Variants in ARID4A observed in about 807,000 individuals in gnomAD.
The protein encoded by ARID4A is AT-rich interactive domain-containing protein 4A.
Under a neutral mutation model 148.6 loss-of-function variants are expected in ARID4A, and 39 were observed. That is an observed-to-expected ratio of 0.26 (90% CI 0.20 to 0.34). ARID4A has a LOEUF of 0.34. Ranked by LOEUF, ARID4A falls within the 10% of genes least tolerant of loss-of-function variation. ARID4A has a pLI of 1.00. For missense variants in ARID4A, 1,265 were observed against 1,449.1 expected, an observed-to-expected ratio of 0.87 and a Z score of 2.06; for synonymous variants, 475 against 481.2, an observed-to-expected ratio of 0.99 and a Z score of 0.17.
intron 8 of ARID4A, among the ~76,000 whole-genome samples, chr14:58,325,372 C>T (rs1036153714): frequency 1.3e-5 from 2 of 152,104 alleles, no homozygotes; most frequent in Non-Finnish European, 2.9e-5. Context: ...GCCTTAACCT[C>T]CCTGGGCTTA....
intron 8 of ARID4A, among the ~76,000 whole-genome samples, chr14:58,327,995 C>T (rs1443606044): frequency 6.6e-6 from 1 of 152,110 alleles, no homozygotes; most frequent in Admixed American, 6.6e-5. Flanking sequence ...TAATTATTCA[C>T]TTTATAATCT....
intron 12 of ARID4A, among the ~76,000 whole-genome samples, chr14:58,346,071 G>C (rs1485874474): frequency 6.6e-6 from 1 of 151,612 alleles, no homozygotes; most frequent in Non-Finnish European, 1.5e-5. Flanking sequence ...AACATTGTTG[G>C]CCACACCATG....
intron 11 of ARID4A, among the ~76,000 whole-genome samples, chr14:58,335,602 C>T (rs772662508): frequency 5.3e-5 from 8 of 152,184 alleles, no homozygotes; most frequent in East Asian, 3.9e-4. Flanking sequence ...CATGAGCCAC[C>T]GTGCCCGGCC....
At chr14:58,339,927 T>G (rs2034027910) in intron 11 of ARID4A, among the ~76,000 whole-genome samples, 1 of 151,544 alleles carries the variant, frequency 6.6e-6, no homozygotes. Flanking sequence ...CCAGATCTCA[T>G]GAGACCTCAC....
chr14:58,347,844 G>C lies in ARID4A; in HGVS notation c.1370G>C (p.Ser457Thr), dbSNP rs1276080338. ...GAAAATATCGATTCAAACAGTGAAA[G>C]TGAAAGAGAAGAGATAGAATTAAAA... is the stretch of plus-strand genomic sequence containing the variant. The part of the protein sequence containing the change: ...PEENIDSNSE[S>T]EREEIELKSP... The change falls in exon 15 of 24, where the codon AGT becomes ACT. Residue 457 changes from serine (S) to threonine (T), a missense_variant. Physicochemically the swap from Ser to Thr is moderately conservative, Grantham distance 58. Coordinates refer to ENST00000355431, the MANE Select transcript of ARID4A (RefSeq NM_002892.4). The C allele has an allele frequency of 6.2e-7, 1 of 1,612,972 alleles. No homozygotes were observed. Among genetic ancestry groups the C allele is most frequent in the Admixed American group, 1.7e-5 (1 of 59,990 alleles).
intron 11 of ARID4A, among the ~76,000 whole-genome samples, chr14:58,339,431 C>T (rs141088951): frequency 2.0e-5 from 3 of 151,994 alleles, no homozygotes; most frequent in South Asian, 4.2e-4. Context: ...TTTGTGGCTC[C>T]GATATGTTAT....
chr14:58,346,194 T>TTA (rs1487591473), intron 12 of ARID4A, among the ~76,000 whole-genome samples: 1 of 148,906 alleles, frequency 6.7e-6, no homozygotes. Flanking sequence ...GAGAGAATTA[T>TTA]TATATATATT....
At chr14:58,304,328 T>A (rs1268383338) in intron 3 of ARID4A, among the ~76,000 whole-genome samples, 1 of 151,576 alleles carries the variant, frequency 6.6e-6, no homozygotes, top group Non-Finnish European at 1.5e-5. Flanking sequence ...TACTTAAAAT[T>A]AATACAATGA....
chr14:58,325,256 A>C (rs551271605), intron 8 of ARID4A, among the ~76,000 whole-genome samples: 16 of 152,134 alleles, frequency 1.1e-4, no homozygotes, highest in African/African-American at 3.6e-4. Context: ...CATTCTTTGC[A>C]AGGTTTCTCT....
intron 20 of ARID4A, 53 bp from the exon 21 acceptor site, chr14:58,365,465 C>CAA: frequency 1.2e-6 from 1 of 853,856 alleles, no homozygotes; most frequent in Non-Finnish European, 1.6e-6. Flanking sequence ...AATATACTTG[C>CAA]TCTTTTTTTT....
At chr14:58,356,779 G>T (rs959982876) in intron 17 of ARID4A, among the ~76,000 whole-genome samples, 3 of 149,158 alleles carry the variant, frequency 2.0e-5, no homozygotes, top group African/African-American at 7.5e-5. Context: ...TGGGCTCACT[G>T]CAACCTCCGC....
chr14:58,324,094 C>T (rs2033082355), intron 8 of ARID4A, among the ~76,000 whole-genome samples: 1 of 151,670 alleles, frequency 6.6e-6, no homozygotes, highest in Admixed American at 6.6e-5. Flanking sequence ...TTAGTAGAGA[C>T]AGGGTTTCAC....
chr14:58,353,876 T>G, intron 17 of ARID4A, 21 bp downstream of exon 17: 1 of 1,596,320 alleles, frequency 6.3e-7, no homozygotes, highest in Non-Finnish European at 8.5e-7. Flanking sequence ...AACTATTTTC[T>G]TACTATTGAA....
chr14:58,329,470 T>C lies in ARID4A; in HGVS notation c.663-58T>C, dbSNP rs918062446. 5.2e-6 allele frequency: 6 copies of C among 1,153,606 alleles called. No individual in the cohort carries two copies. The African/African-American group carries it at 9.2e-5, about 18-fold the overall frequency. The allele number at this position is 1,153,606 out of a possible 1,614,324, so 71.5% of individuals were successfully genotyped here. On this transcript the variant is annotated intron_variant, in intron 9 of 23. Transcript: ENST00000355431. Reference sequence around the variant, plus strand: ...TTTTTCTATGTGTTAACATGAACTATTTAAGTGATAATTTTTATTGAATAA... The same window carrying C: ...TTTTTCTATGTGTTAACATGAACTACTTAAGTGATAATTTTTATTGAATAA...
chr14:58,304,990 A>C lies in ARID4A; in HGVS notation c.164A>C (p.Gln55Pro). Residue 55 changes from glutamine to proline, a missense_variant, in exon 4 of 24, where the codon CAA becomes CCA. Transcript: ENST00000355431. ...DNTTQLVQDDQVKGPLRVGAI... is the reference protein window; with the variant it reads ...DNTTQLVQDDPVKGPLRVGAI... ...ACCACACAATTGGTACAAGATGACC[A>C]AGTAAAGGGTCCTTTAAGAGTATGT... 1 of 1,607,228 alleles carries C rather than the reference A, an allele frequency of 6.2e-7. No homozygotes were observed.
At chr14:58,309,582 G>A (rs1309187629) in intron 5 of ARID4A, among the ~76,000 whole-genome samples, 2 of 152,128 alleles carry the variant, frequency 1.3e-5, no homozygotes, top group African/African-American at 2.4e-5. Flanking sequence ...CTAACTCCTG[G>A]TAAATACAAC....
intron 2 of ARID4A, among the ~76,000 whole-genome samples, chr14:58,301,233 CTT>C (rs1270729252): frequency 1.3e-5 from 2 of 151,952 alleles, no homozygotes; most frequent in Admixed American, 1.3e-4. Context: ...AAATGAATAA[CTT>C]AGTTTTATGA....
intron 2 of ARID4A, among the ~76,000 whole-genome samples, chr14:58,300,089 A>G (rs914099582): frequency 4.6e-5 from 7 of 152,184 alleles, no homozygotes; most frequent in African/African-American, 9.7e-5. Flanking sequence ...CAGCCTTTCA[A>G]TTGTTGTCCA....
chr14:58,311,793 G>T (rs538277272), intron 5 of ARID4A, among the ~76,000 whole-genome samples: 1 of 152,106 alleles, frequency 6.6e-6, no homozygotes, highest in South Asian at 2.1e-4. Context: ...TTACAACATG[G>T]TTGAATCCAG....
Sources: allele counts gnomAD v4.1 joint callset (sites outside exome capture counted in the v4.1 genomes callset), GRCh38; gene constraint gnomAD v4.1.1; transcripts MANE v1.5; gene names NCBI Gene and HGNC (gene_info 2026-07-23, HGNC 2026-07-21).